ZBTB20: variants seen among roughly 807,000 people sequenced by gnomAD.
ZBTB20 encodes the protein zinc finger and BTB domain-containing protein 20.
ZBTB20 carries 9 observed loss-of-function variants against 56.9 expected under a neutral mutation model. The ratio of observed to expected loss-of-function variants is 0.16; its 90% confidence interval spans 0.10 to 0.28. ZBTB20 has a LOEUF of 0.28. Among genes scored for constraint, ZBTB20 ranks in the 10% least tolerant of loss-of-function variants. The pLI is 1.00. For synonymous variants in ZBTB20, 417 were observed against 420.7 expected (o/e 0.99, Z 0.11); for missense variants, 655 against 1,003.0 (o/e 0.65, Z 4.69).
chr3:114,710,557 T>C (rs1578463305), intron 5 of ZBTB20, among the ~76,000 whole-genome samples: 1 of 152,290 alleles, frequency 6.6e-6, no homozygotes, highest in East Asian at 1.9e-4. Context: ...GTGGCTGGGG[T>C]GAAATGCCTG....
intron 1 of ZBTB20, among the ~76,000 whole-genome samples, chr3:115,094,777 G>C (rs2083318523): frequency 6.6e-6 from 1 of 151,596 alleles, no homozygotes; most frequent in African/African-American, 2.4e-5. Context: ...CTAAAAATTA[G>C]AGAAAATTAA....
At chr3:114,667,454 C>T (rs1199094140) in intron 6 of ZBTB20, among the ~76,000 whole-genome samples, 3 of 152,002 alleles carry the variant, frequency 2.0e-5, no homozygotes, top group Admixed American at 1.3e-4. Flanking sequence ...CCATACTATA[C>T]TTTCCAACTG....
intron 10 of ZBTB20, among the ~76,000 whole-genome samples, chr3:114,360,119 A>G (rs77035742): frequency 6.6e-6 from 1 of 151,402 alleles, no homozygotes; most frequent in African/African-American, 2.4e-5. Context: ...AAAAAAAAAA[A>G]GCTTTCTGGC....
chr3:114,838,549 G>T (rs752173623), intron 4 of ZBTB20, among the ~76,000 whole-genome samples: 2 of 151,986 alleles, frequency 1.3e-5, no homozygotes, highest in Non-Finnish European at 2.9e-5. Context: ...GGTGTGACTG[G>T]GGGGGGAAAG....
chr3:114,728,576 T>G (rs2065478335), intron 5 of ZBTB20, among the ~76,000 whole-genome samples: 1 of 152,216 alleles, frequency 6.6e-6, no homozygotes, highest in African/African-American at 2.4e-5. Context: ...GACCATAGAC[T>G]AAACTCTCAG....
At chr3:114,593,563 T>C (rs2056013065) in intron 6 of ZBTB20, among the ~76,000 whole-genome samples, 2 of 152,016 alleles carry the variant, frequency 1.3e-5, no homozygotes, top group South Asian at 4.1e-4. Context: ...TTTGTATTTT[T>C]AGTAGAGACA....
intron 3 of ZBTB20, among the ~76,000 whole-genome samples, chr3:114,933,555 T>C (rs1342759660): frequency 1.3e-5 from 2 of 152,210 alleles, no homozygotes. Context: ...ACAGTCACAG[T>C]ATCAGGAATA....
At chr3:114,393,133 C>G (rs2086032471) in intron 7 of ZBTB20, among the ~76,000 whole-genome samples, 1 of 152,210 alleles carries the variant, frequency 6.6e-6, no homozygotes, top group Admixed American at 6.5e-5. Context: ...ATAGCATCAC[C>G]CCAGCAGCCA....
At chr3:115,118,288 T>C (rs1231970022) in intron 1 of ZBTB20, among the ~76,000 whole-genome samples, 3 of 152,092 alleles carry the variant, frequency 2.0e-5, no homozygotes, top group African/African-American at 7.2e-5. Flanking sequence ...CTCAAACTCC[T>C]GTGCTCAAGC....
chr3:114,911,519 AATT>A (rs1409326591), intron 3 of ZBTB20, among the ~76,000 whole-genome samples: 9 of 152,032 alleles, frequency 5.9e-5, no homozygotes, highest in Non-Finnish European at 1.3e-4. Flanking sequence ...CACAAAATAT[AATT>A]AGGAAAATAA....
intron 10 of ZBTB20, among the ~76,000 whole-genome samples, chr3:114,365,211 A>G (rs1263419306): frequency 2.6e-5 from 4 of 152,218 alleles, no homozygotes; most frequent in African/African-American, 9.7e-5. Flanking sequence ...TGGAGAACAG[A>G]GTGGCTTCAA....
intron 5 of ZBTB20, among the ~76,000 whole-genome samples, chr3:114,723,988 C>T (rs1325649453): frequency 6.6e-6 from 1 of 152,068 alleles, no homozygotes; most frequent in African/African-American, 2.4e-5. Context: ...CCTTCCTCAG[C>T]CTCCCGAGTA....
At chr3:115,115,160 C>A (rs73230608) in intron 1 of ZBTB20, among the ~76,000 whole-genome samples, 1,654 of 152,234 alleles carry the variant, frequency 0.011, 10 homozygotes, top group Middle Eastern at 0.044. Flanking sequence ...TGATGTCCTA[C>A]AGCACTTGTG....
At chr3:114,348,262 T>C (rs1233374566) in intron 11 of ZBTB20, among the ~76,000 whole-genome samples, 2 of 152,198 alleles carry the variant, frequency 1.3e-5, no homozygotes, top group African/African-American at 2.4e-5. Flanking sequence ...GGAGATACTT[T>C]CACAGATGGT....
In ZBTB20 at chr3:114,580,104, T is replaced by C. The variant is rs992945776; in HGVS notation, c.-294-79713A>G. Among the ~76,000 whole-genome samples the C allele has an allele frequency of 8.6e-5, 13 of 151,688 alleles. 1 individual carries two copies. The highest frequency in any genetic ancestry group is 7.2e-4 in the Admixed American group (11 of 15,246). ...TAAAATTTAAAGATTGATCTCCCCATGTAAACATACTACATGTCAGTAAAT... is the reference window on the plus strand; with the variant it reads ...TAAAATTTAAAGATTGATCTCCCCACGTAAACATACTACATGTCAGTAAAT... On this transcript the variant is annotated intron_variant, in intron 6 of 11. Coordinates refer to ENST00000675478, the MANE Select transcript of ZBTB20 (RefSeq NM_001348800.3).
rs566526769 is a variant in ZBTB20, at chr3:114,385,643, C to T, written c.-154+3362G>A. On this transcript the variant is annotated intron_variant, in intron 8 of 11. Coordinates refer to ENST00000675478, the MANE Select transcript of ZBTB20 (RefSeq NM_001348800.3). Reference sequence around the variant, plus strand: ...CAGTACTTTGGGAAGTCGAGGCGGGCGGATCACGAGGTCAAGTGATCGAGA... The same window carrying T: ...CAGTACTTTGGGAAGTCGAGGCGGGTGGATCACGAGGTCAAGTGATCGAGA... Among the ~76,000 whole-genome samples the T allele has an allele frequency of 1.2e-4, 18 of 152,084 alleles. No homozygotes were observed. In the East Asian group the frequency reaches 2.9e-3, roughly 25 times the overall value.
chr3:114,634,046 T>C (rs1185338653), intron 6 of ZBTB20, among the ~76,000 whole-genome samples: 1 of 152,146 alleles, frequency 6.6e-6, no homozygotes, highest in Non-Finnish European at 1.5e-5. Context: ...ATGTAAGTAT[T>C]CCATTCGTTA....
intron 7 of ZBTB20, among the ~76,000 whole-genome samples, chr3:114,466,457 T>C (rs1036021004): frequency 6.6e-6 from 1 of 152,212 alleles, no homozygotes; most frequent in African/African-American, 2.4e-5. Context: ...TATCTGAACT[T>C]TGGCCTATTC....
intron 6 of ZBTB20, among the ~76,000 whole-genome samples, chr3:114,601,804 G>C (rs959611715): frequency 6.6e-6 from 1 of 151,992 alleles, no homozygotes; most frequent in Non-Finnish European, 1.5e-5. Context: ...CACACGTTGG[G>C]AAAAGCAGAT....
Sources: gnomAD v4.1 joint callset for allele counts (sites outside exome capture counted in the v4.1 genomes callset) on GRCh38, gnomAD v4.1.1 for gene constraint, MANE v1.5 for transcripts, NCBI Gene and HGNC (gene_info 2026-07-23, HGNC 2026-07-21) for gene names.